CRY1: variants seen among roughly 807,000 people sequenced by gnomAD.
The protein encoded by CRY1 is cryptochrome circadian regulator 1, also known as cryptochrome-1.
Under a neutral mutation model 76.0 loss-of-function variants are expected in CRY1, and 45 were observed. The ratio of observed to expected loss-of-function variants is 0.59; its 90% CI spans 0.47 to 0.76. The LOEUF (loss-of-function observed/expected upper bound fraction) is 0.76. Among genes scored for constraint, CRY1 ranks in the 30% least tolerant of loss-of-function variants. The probability of loss-of-function intolerance (pLI) is 0.00; values close to 1 mark genes in which losing one functional copy is unlikely to be tolerated. For missense variants in CRY1, 587 were observed against 716.4 expected (o/e 0.82, Z 2.06); for synonymous variants, 248 against 244.0 (o/e 1.02, Z -0.15).
At chr12:106,992,490 T>C (rs927850663) in intron 12 of CRY1, 9 of 246,020 alleles carry the variant, frequency 3.7e-5, no homozygotes, top group Non-Finnish European at 8.0e-6. Context: ...CATAGTTACA[T>C]AGTAAGGAAA....
At chr12:107,070,906 G>A (rs1200522493) in intron 1 of CRY1, among the ~76,000 whole-genome samples, 3 of 149,174 alleles carry the variant, frequency 2.0e-5, no homozygotes, top group African/African-American at 4.9e-5. Context: ...GGGTTTCACC[G>A]TGCTAACCAG....
At chr12:107,012,771 T>C (rs1057230982) in intron 2 of CRY1, among the ~76,000 whole-genome samples, 2 of 152,146 alleles carry the variant, frequency 1.3e-5, no homozygotes, top group Non-Finnish European at 2.9e-5. Context: ...GAGGTTAAAA[T>C]ATCAACATTA....
At chr12:107,052,102 C>T (rs776471389) in intron 1 of CRY1, among the ~76,000 whole-genome samples, 3 of 151,894 alleles carry the variant, frequency 2.0e-5, no homozygotes, top group African/African-American at 7.3e-5. Context: ...GTTTTTCTAA[C>T]GGTTACTTGG....
chr12:107,028,537 A>G (rs915689685), intron 1 of CRY1, among the ~76,000 whole-genome samples: 1 of 152,202 alleles, frequency 6.6e-6, no homozygotes, highest in Admixed American at 6.5e-5. Flanking sequence ...CCTAGATAAT[A>G]TAACATTTCC....
intron 1 of CRY1, among the ~76,000 whole-genome samples, chr12:107,031,171 C>T (rs1487358866): frequency 6.6e-6 from 1 of 152,076 alleles, no homozygotes; most frequent in African/African-American, 2.4e-5. Context: ...GTCCAAAAAG[C>T]AAGAAGGCAT....
At chr12:107,045,686 G>A (rs549357884) in intron 1 of CRY1, among the ~76,000 whole-genome samples, 7 of 152,214 alleles carry the variant, frequency 4.6e-5, no homozygotes, top group South Asian at 2.1e-4. Flanking sequence ...GTGTAAGGAA[G>A]GGATCCAGTT....
In CRY1 at chr12:107,092,827, G is replaced by T. The variant is rs1030011959; in HGVS notation, c.135C>A (p.Ser45=). ...ACCGCCACCTGTTGATGCCCACATTGGAGGAGCCGGCGAACCAGGGGTCCA... is the reference window on the plus strand; with the variant it reads ...ACCGCCACCTGTTGATGCCCACATTTGAGGAGCCGGCGAACCAGGGGTCCA... The part of the protein sequence containing the change: ...YILDPWFAGS[S]NVGINRWRFL... The change falls in exon 1 of 13, where the codon TCC becomes TCA. Residue 45 remains serine, a synonymous_variant. Coordinates refer to ENST00000008527, the MANE Select transcript of CRY1 (RefSeq NM_004075.5). 1.9e-6 allele frequency: 3 copies of T among 1,611,572 alleles called. No homozygotes were observed. Among genetic ancestry groups the T allele is most frequent in the Non-Finnish European group, 1.7e-6 (2 of 1,179,780 alleles).
In CRY1 at chr12:107,089,928, C is replaced by T. The variant is rs536018625; in HGVS notation, c.158+2876G>A. ...GGTACTATGAGTGATTCCAAAAAGA[C>T]TTTTGCCTCTGACACTACCAAAACC... On this transcript the variant is annotated intron_variant, in intron 1 of 12. Transcript: ENST00000008527. 4.7e-4 allele frequency among the ~76,000 whole-genome samples: 71 copies of T among 152,292 alleles called. No individual in the cohort carries two copies. In the South Asian group the frequency reaches 7.0e-3, roughly 15 times the overall value.
rs993097608 is a variant in CRY1 at position 107,013,356 on chromosome 12, T to C, written c.268-8108A>G. On this transcript the variant is annotated intron_variant, in intron 2 of 12. Transcript: ENST00000008527. ...ACTTGCTGAAGGCTTAGATGATCAC[T>C]AGCATTTTTTTAGCAACAAAATATC... 2.6e-5 allele frequency among the ~76,000 whole-genome samples: 4 copies of C among 152,222 alleles called. No homozygotes were observed. The South Asian group carries it at 6.2e-4, about 24-fold the overall frequency.
At chr12:107,084,181 G>GGA (rs1379335916) in intron 1 of CRY1, among the ~76,000 whole-genome samples, 1 of 152,132 alleles carries the variant, frequency 6.6e-6, no homozygotes, top group Admixed American at 6.5e-5. Context: ...AAATAAGAGA[G>GGA]GACACAAACA....
intron 2 of CRY1, among the ~76,000 whole-genome samples, chr12:107,017,555 T>C (rs979740866): frequency 6.6e-6 from 1 of 152,218 alleles, no homozygotes; most frequent in African/African-American, 2.4e-5. Flanking sequence ...ACTCTCTATA[T>C]GTGGCCTCCC....
intron 1 of CRY1, among the ~76,000 whole-genome samples, chr12:107,076,618 GAA>G (rs58432343): frequency 0.2 from 19,991 of 99,360 alleles, 2,490 homozygotes; most frequent in African/African-American, 0.38. Flanking sequence ...CTGCCTCAAA[GAA>G]AAAAAAAAAA....
At chr12:107,026,760 A>C (rs1314837725) in intron 1 of CRY1, among the ~76,000 whole-genome samples, 1 of 135,074 alleles carries the variant, frequency 7.4e-6, no homozygotes, top group East Asian at 2.4e-4. Context: ...TCCCTTGAGA[A>C]TAATTCCTGT....
At position 107,012,185 on chromosome 12, in the gene CRY1, G is replaced by A. The variant is rs140644905; in HGVS notation, c.268-6937C>T. ...AGCGTGGGTGACAGAGGAAGACTCC[G>A]TCTCAAAAATAAAAAAAGAAGAAAA... is the stretch of plus-strand genomic sequence containing the variant. On this transcript the variant is annotated intron_variant, in intron 2 of 12. Coordinates refer to ENST00000008527, the MANE Select transcript of CRY1 (RefSeq NM_004075.5). Among the ~76,000 whole-genome samples, 428 of 152,240 alleles carry A rather than the reference G, an allele frequency of 2.8e-3. 9 individuals carry two copies. The highest frequency in any genetic ancestry group is 7.9e-4 in the Non-Finnish European group (54 of 68,010).
chr12:107,034,722 G>T (rs765545662), intron 1 of CRY1, among the ~76,000 whole-genome samples: 5 of 152,106 alleles, frequency 3.3e-5, no homozygotes, highest in African/African-American at 4.8e-5. Flanking sequence ...TAACGGAAGA[G>T]GAAGAAATAA....
At chr12:107,076,940 C>A (rs183073252) in intron 1 of CRY1, among the ~76,000 whole-genome samples, 234 of 152,304 alleles carry the variant, frequency 1.5e-3, no homozygotes, top group African/African-American at 5.1e-3. Context: ...TGCCTTCCAC[C>A]ATGATTGTAA....
At chr12:107,030,927 T>TG (rs751598070) in intron 1 of CRY1, among the ~76,000 whole-genome samples, 8 of 152,212 alleles carry the variant, frequency 5.3e-5, no homozygotes, top group Non-Finnish European at 7.4e-5. Flanking sequence ...TCAGAAGAGC[T>TG]GGGGGTTGGG....
chr12:107,088,554 G>C (rs1336454460), intron 1 of CRY1, among the ~76,000 whole-genome samples: 2 of 152,220 alleles, frequency 1.3e-5, no homozygotes, highest in Admixed American at 1.3e-4. Flanking sequence ...AGGAGACAGA[G>C]AAAGCATCGT....
intron 1 of CRY1, among the ~76,000 whole-genome samples, chr12:107,050,560 C>G (rs1051072232): frequency 6.6e-6 from 1 of 152,164 alleles, no homozygotes; most frequent in Non-Finnish European, 1.5e-5. Context: ...TCACCTTCTG[C>G]CACAATTGTA....
Sources: allele counts gnomAD v4.1 joint callset (sites outside exome capture counted in the v4.1 genomes callset), GRCh38; gene constraint gnomAD v4.1.1; transcripts MANE v1.5; gene names NCBI Gene and HGNC (gene_info 2026-07-23, HGNC 2026-07-21).